Variants in PTPRD observed in about 807,000 individuals in gnomAD.
PTPRD encodes receptor-type tyrosine-protein phosphatase delta.
In PTPRD, 34 loss-of-function variants were observed where a neutral mutation model predicts 214.5. The ratio of observed to expected loss-of-function variants is 0.16; its 90% CI spans 0.12 to 0.21. PTPRD has a LOEUF of 0.21. PTPRD is among the 10% of genes least tolerant of loss of function. The pLI is 1.00. For missense variants in PTPRD, 2,545 were observed against 2,398.7 expected, an observed-to-expected ratio of 1.06 and a Z score of -1.27; for synonymous variants, 1,128 against 845.7, an observed-to-expected ratio of 1.33 and a Z score of -5.79.
Position 8,969,561 on chromosome 9 carries a change from A to T in PTPRD, c.-104+49136T>A, listed in dbSNP as rs1432312641. Reference sequence around the variant, plus strand: ...CCAGCAATATGGATGAAATTTCAAAACAATGCTGAACAAAAATAAGATACA... The same window carrying T: ...CCAGCAATATGGATGAAATTTCAAATCAATGCTGAACAAAAATAAGATACA... On this transcript the variant is annotated intron_variant, in intron 11 of 45. Coordinates refer to ENST00000381196, the MANE Select transcript of PTPRD (RefSeq NM_002839.4). Among the ~76,000 whole-genome samples, 3 of 152,094 alleles carry T rather than the reference A, an allele frequency of 2.0e-5. No individual in the cohort carries two copies. The South Asian group carries it at 6.2e-4, about 31-fold the overall frequency.
At chr9:10,592,998 G>C (rs1482700770) in intron 2 of PTPRD, among the ~76,000 whole-genome samples, 1 of 151,868 alleles carries the variant, frequency 6.6e-6, no homozygotes, top group Non-Finnish European at 1.5e-5. Flanking sequence ...CTCACTCTTT[G>C]GGTCTGTGCC....
At chr9:8,759,690 G>C (rs1046162737) in intron 11 of PTPRD, among the ~76,000 whole-genome samples, 3 of 144,012 alleles carry the variant, frequency 2.1e-5, no homozygotes, top group Non-Finnish European at 4.5e-5. Context: ...ACTCCATCCT[G>C]CTGCTCATGA....
intron 11 of PTPRD, among the ~76,000 whole-genome samples, chr9:8,961,335 G>A (rs1009684043): frequency 2.6e-5 from 4 of 152,108 alleles, no homozygotes; most frequent in South Asian, 2.1e-4. Flanking sequence ...TCAAGCCAAA[G>A]GCCACTTGAG....
chr9:10,164,169 T>C (rs1484946410), intron 3 of PTPRD, among the ~76,000 whole-genome samples: 1 of 151,478 alleles, frequency 6.6e-6, no homozygotes, highest in Non-Finnish European at 1.5e-5. Context: ...CTTGAGGGAT[T>C]ATAAAATACA....
At chr9:9,826,887 T>C (rs967322487) in intron 5 of PTPRD, among the ~76,000 whole-genome samples, 1 of 152,108 alleles carries the variant, frequency 6.6e-6, no homozygotes, top group Non-Finnish European at 1.5e-5. Context: ...AAATCATGAG[T>C]GAACTCACAT....
intron 3 of PTPRD, among the ~76,000 whole-genome samples, chr9:10,134,807 A>G (rs1469110882): frequency 6.6e-6 from 1 of 152,160 alleles, no homozygotes; most frequent in Non-Finnish European, 1.5e-5. Context: ...CGGCAATTCA[A>G]AAAGTCAGCA....
intron 2 of PTPRD, among the ~76,000 whole-genome samples, chr9:10,349,801 CAG>C (rs2097151526): frequency 6.6e-6 from 1 of 152,134 alleles, no homozygotes; most frequent in African/African-American, 2.4e-5. Context: ...GAATATCTTA[CAG>C]GTGCATGCCA....
intron 12 of PTPRD, among the ~76,000 whole-genome samples, chr9:8,688,097 C>A (rs1028682458): frequency 6.6e-6 from 1 of 152,150 alleles, no homozygotes; most frequent in Non-Finnish European, 1.5e-5. Context: ...TCATCCTAGT[C>A]CACTTACTTG....
intron 2 of PTPRD, among the ~76,000 whole-genome samples, chr9:10,430,734 T>A (rs755924577): frequency 6.6e-6 from 1 of 151,940 alleles, no homozygotes; most frequent in Non-Finnish European, 1.5e-5. Flanking sequence ...ATATTAGTGT[T>A]GGCAAAAGGT....
chr9:8,380,683 T>C (rs1270659546), intron 37 of PTPRD, among the ~76,000 whole-genome samples: 1 of 152,196 alleles, frequency 6.6e-6, no homozygotes, highest in Non-Finnish European at 1.5e-5. Context: ...TATTTAAATT[T>C]ATTTTTAAAA....
intron 3 of PTPRD, among the ~76,000 whole-genome samples, chr9:10,175,757 T>C (rs1018069969): frequency 6.6e-6 from 1 of 151,996 alleles, no homozygotes; most frequent in Non-Finnish European, 1.5e-5. Flanking sequence ...GTATGTGGAA[T>C]AGTATGACCA....
chr9:8,681,992 A>C (rs1326189205), intron 12 of PTPRD, among the ~76,000 whole-genome samples: 1 of 152,206 alleles, frequency 6.6e-6, no homozygotes, highest in Non-Finnish European at 1.5e-5. Flanking sequence ...AACATTTCCC[A>C]CAAAACATGC....
At chr9:8,699,067 T>C (rs2098006784) in intron 12 of PTPRD, among the ~76,000 whole-genome samples, 1 of 152,156 alleles carries the variant, frequency 6.6e-6, no homozygotes, top group African/African-American at 2.4e-5. Flanking sequence ...AGAATTTTTG[T>C]TATCACAAAA....
intron 39 of PTPRD, among the ~76,000 whole-genome samples, chr9:8,350,445 G>T (rs2075130034): frequency 6.6e-6 from 1 of 152,104 alleles, no homozygotes; most frequent in Admixed American, 6.6e-5. Context: ...TATCATAATG[G>T]TATATGAACT....
intron 10 of PTPRD, among the ~76,000 whole-genome samples, chr9:9,074,928 T>G (rs1183804251): frequency 6.6e-6 from 1 of 151,938 alleles, no homozygotes; most frequent in Admixed American, 6.6e-5. Context: ...AGTCCTATAT[T>G]ATCCTATCAT....
chr9:8,848,372 G>A (rs1438034855), intron 11 of PTPRD, among the ~76,000 whole-genome samples: 3 of 124,642 alleles, frequency 2.4e-5, no homozygotes. Context: ...GTCTTGCTCT[G>A]TTATACAGAC....
intron 11 of PTPRD, among the ~76,000 whole-genome samples, chr9:8,828,734 T>C (rs2097222365): frequency 6.6e-6 from 1 of 152,172 alleles, no homozygotes; most frequent in Admixed American, 6.5e-5. Flanking sequence ...ACATATATAA[T>C]AAATTGTTAA....
intron 5 of PTPRD, among the ~76,000 whole-genome samples, chr9:9,924,324 C>T (rs909797219): frequency 6.6e-6 from 1 of 151,988 alleles, no homozygotes; most frequent in South Asian, 2.1e-4. Context: ...GATACACGAG[C>T]TAAACATTGC....
chr9:8,568,852 C>T (rs748359399), intron 14 of PTPRD, among the ~76,000 whole-genome samples: 9 of 151,706 alleles, frequency 5.9e-5, no homozygotes, highest in South Asian at 4.2e-4. Flanking sequence ...GTTCTCGGTG[C>T]TGCCTAAAGT....
Sources: allele counts gnomAD v4.1 joint callset (sites outside exome capture counted in the v4.1 genomes callset), GRCh38; gene constraint gnomAD v4.1.1; transcripts MANE v1.5; gene names NCBI Gene and HGNC (gene_info 2026-07-23, HGNC 2026-07-21).